Variants in TMTC2 observed in about 807,000 individuals in gnomAD.
The protein encoded by TMTC2 is transmembrane O-mannosyltransferase targeting cadherins 2.
TMTC2 carries 43 observed loss-of-function variants against 82.4 expected under a neutral mutation model. The ratio of observed to expected loss-of-function variants is 0.52; its 90% CI spans 0.41 to 0.67. The LOEUF is 0.67. TMTC2 is among the 30% of genes least tolerant of loss of function. TMTC2 has a pLI of 0.00. For synonymous variants in TMTC2, 408 were observed against 381.9 expected (o/e 1.07, Z -0.80); for missense variants, 919 against 1,012.4 (o/e 0.91, Z 1.25).
intron 1 of TMTC2, among the ~76,000 whole-genome samples, chr12:82,746,847 A>G (rs1044515741): frequency 6.6e-6 from 1 of 152,224 alleles, no homozygotes; most frequent in Non-Finnish European, 1.5e-5. Flanking sequence ...GCCAAATGAA[A>G]AGGAATGTGC....
At chr12:82,790,508 C>T (rs1878415027) in intron 1 of TMTC2, among the ~76,000 whole-genome samples, 1 of 152,062 alleles carries the variant, frequency 6.6e-6, no homozygotes, top group African/African-American at 2.4e-5. Context: ...AAGTAAATTG[C>T]TGGACCAGAC....
chr12:83,115,221 T>C (rs1884715250), intron 11 of TMTC2, among the ~76,000 whole-genome samples: 1 of 152,158 alleles, frequency 6.6e-6, no homozygotes, highest in South Asian at 2.1e-4. Flanking sequence ...CACATGTTCC[T>C]CCTTCCCCTT....
chr12:82,763,189 T>C lies in TMTC2; in HGVS notation c.83+75520T>C, dbSNP rs543226325. 2.7e-3 allele frequency among the ~76,000 whole-genome samples: 13 copies of C among 4,860 alleles called. No homozygotes were observed. The East Asian group carries it at 0.24, about 90-fold the overall frequency. 3.2% of individuals were successfully genotyped at this position (4,860 alleles called of 152,430 possible). ...TAAACAGATATTCAAGCATAGAAGC[T>C]AGAAAAAAAAAACAAGAAAAAAATA... On this transcript the variant is annotated intron_variant, in intron 1 of 11. Transcript: ENST00000321196.
chr12:82,754,619 C>T (rs1196823232), intron 1 of TMTC2, among the ~76,000 whole-genome samples: 1 of 152,026 alleles, frequency 6.6e-6, no homozygotes, highest in African/African-American at 2.4e-5. Flanking sequence ...CATCTGGAGT[C>T]CCAGCTACTT....
intron 11 of TMTC2, among the ~76,000 whole-genome samples, chr12:83,084,474 A>G (rs1043567574): frequency 5.3e-5 from 8 of 152,122 alleles, no homozygotes; most frequent in Admixed American, 5.2e-4. Flanking sequence ...CATCTGTCTC[A>G]CTCAACAGGT....
rs927106924 is a variant in TMTC2, at chr12:82,687,362, G to T, written c.-225G>T. 3.1e-5 allele frequency: 18 copies of T among 580,974 alleles called. No homozygotes were observed. The highest frequency in any genetic ancestry group is 3.1e-6 in the Non-Finnish European group (1 of 324,880). 36.0% of individuals were successfully genotyped at this position (580,974 alleles called of 1,614,324 possible). On this transcript the variant is annotated 5_prime_UTR_variant, in exon 1 of 12. Coordinates refer to ENST00000321196, the MANE Select transcript of TMTC2 (RefSeq NM_152588.3). ...TGCGGGCGCCGGGCATGGGGAGTGT[G>T]GTGTGAGCCCGCACCCGGGGAGGAC...
At chr12:82,710,992 A>G (rs964965180) in intron 1 of TMTC2, among the ~76,000 whole-genome samples, 2 of 152,298 alleles carry the variant, frequency 1.3e-5, no homozygotes, top group East Asian at 1.9e-4. Context: ...GACAGATATT[A>G]TGTATTTTGG....
intron 8 of TMTC2, among the ~76,000 whole-genome samples, chr12:82,992,304 T>C (rs7974003): frequency 0.84 from 128,280 of 152,160 alleles, 54,926 homozygotes; most frequent in South Asian, 0.97. Context: ...AGAGTTACCT[T>C]CATTTTGGAA....
chr12:82,765,724 CAAAG>C (rs1346400157), intron 1 of TMTC2, among the ~76,000 whole-genome samples: 5 of 151,132 alleles, frequency 3.3e-5, no homozygotes, highest in East Asian at 3.9e-4. Context: ...CAAAAAAAAA[CAAAG>C]AAAAAACAGG....
chr12:83,085,732 T>A (rs1437476475), intron 11 of TMTC2, among the ~76,000 whole-genome samples: 5 of 152,202 alleles, frequency 3.3e-5, no homozygotes, highest in Non-Finnish European at 7.3e-5. Context: ...GATAAGAAAG[T>A]CATATTTGAC....
chr12:83,055,706 G>A (rs972956523), intron 10 of TMTC2, among the ~76,000 whole-genome samples: 2 of 41,242 alleles, frequency 4.8e-5, no homozygotes, highest in African/African-American at 1.9e-4. Flanking sequence ...AGTGGAAGGG[G>A]TGTGTGTGTG....
At chr12:83,019,205 A>T (rs1880809148) in intron 8 of TMTC2, among the ~76,000 whole-genome samples, 1 of 152,090 alleles carries the variant, frequency 6.6e-6, no homozygotes, top group Non-Finnish European at 1.5e-5. Context: ...CTTATCATTT[A>T]TGTTTTATGT....
chr12:82,741,254 G>T lies in TMTC2; in HGVS notation c.83+53585G>T, dbSNP rs572133281. Among the ~76,000 whole-genome samples, 13 of 152,208 alleles carry T rather than the reference G, an allele frequency of 8.5e-5. No homozygotes were observed. The East Asian group carries it at 1.4e-3, about 16-fold the overall frequency. ...GAGGTGGTTTGTTTGTTTGTTTTTT[G>T]TTGTTGTTGTTAAATACTTGACTGT... is the stretch of plus-strand genomic sequence containing the variant. On this transcript the variant is annotated intron_variant, in intron 1 of 11. Coordinates refer to ENST00000321196, the MANE Select transcript of TMTC2 (RefSeq NM_152588.3).
rs573558153 is a variant in TMTC2, at chr12:82,798,343, C to T, written c.84-58667C>T. Among the ~76,000 whole-genome samples, 37 of 144,386 alleles carry T rather than the reference C, an allele frequency of 2.6e-4. No homozygotes were observed. In the South Asian group the frequency reaches 3.7e-3, roughly 14 times the overall value. The allele number at this position is 144,386 out of a possible 152,430, so 94.7% of individuals were successfully genotyped here. A position where few individuals can be genotyped will look rare whatever the true frequency, so the allele number is the denominator to read the frequency against. On this transcript the variant is annotated intron_variant, in intron 1 of 11. Coordinates refer to ENST00000321196, the MANE Select transcript of TMTC2 (RefSeq NM_152588.3). ...TCCCAGCACTTTGGGAGGCCGAGGC[C>T]GGTGGATGGCGGGCGTGGTGGCGGG...
chr12:82,798,344 G>C (rs192208228), intron 1 of TMTC2, among the ~76,000 whole-genome samples: 2 of 150,618 alleles, frequency 1.3e-5, no homozygotes, highest in Admixed American at 6.6e-5. Context: ...GGCCGAGGCC[G>C]GTGGATGGCG....
chr12:82,747,266 A>C (rs1875740913), intron 1 of TMTC2, among the ~76,000 whole-genome samples: 1 of 152,264 alleles, frequency 6.6e-6, no homozygotes, highest in African/African-American at 2.4e-5. Context: ...GGTTTAGATA[A>C]TATTAACAGG....
chr12:83,039,457 G>A (rs1203367541), intron 9 of TMTC2, among the ~76,000 whole-genome samples: 2 of 151,548 alleles, frequency 1.3e-5, no homozygotes, highest in Non-Finnish European at 2.9e-5. Context: ...TTATATATTT[G>A]ACAAATATAT....
At chr12:83,108,081 T>C (rs1884477762) in intron 11 of TMTC2, among the ~76,000 whole-genome samples, 1 of 152,110 alleles carries the variant, frequency 6.6e-6, no homozygotes, top group African/African-American at 2.4e-5. Context: ...ATAATTATGT[T>C]TCCTGAGGCC....
intron 10 of TMTC2, among the ~76,000 whole-genome samples, chr12:83,052,086 G>A (rs1442039076): frequency 1.8e-4 from 27 of 151,946 alleles, no homozygotes; most frequent in Non-Finnish European, 1.0e-4. Flanking sequence ...CTTCTATACT[G>A]TCATCTCTGT....
Sources: gnomAD v4.1 joint callset for allele counts (sites outside exome capture counted in the v4.1 genomes callset) on GRCh38, gnomAD v4.1.1 for gene constraint, MANE v1.5 for transcripts, NCBI Gene and HGNC (gene_info 2026-07-23, HGNC 2026-07-21) for gene names.